Variants in RBFOX1 observed in about 807,000 individuals in gnomAD.
The protein encoded by RBFOX1 is RNA binding fox-1 homolog 1.
In RBFOX1, 8 loss-of-function variants were observed where a neutral mutation model predicts 57.7. The observed-to-expected ratio is 0.14, with a 90% CI of 0.08 to 0.25. The LOEUF is 0.25. RBFOX1 is among the 10% of genes least tolerant of loss of function. The probability of loss-of-function intolerance (pLI) is 1.00; values close to 1 mark genes in which losing one functional copy is unlikely to be tolerated. For missense variants in RBFOX1, 611 were observed against 548.5 expected (o/e 1.11, Z -1.14); for synonymous variants, 326 against 222.4 (o/e 1.47, Z -4.15).
chr16:5,527,786 C>T (rs972137403), intron 2 of RBFOX1, among the ~76,000 whole-genome samples: 2 of 152,090 alleles, frequency 1.3e-5, no homozygotes, highest in African/African-American at 4.8e-5. Flanking sequence ...CTTTGAGAGG[C>T]CTCCTAAATG....
chr16:5,539,129 A>G (rs563927112), intron 2 of RBFOX1, among the ~76,000 whole-genome samples: 1 of 152,048 alleles, frequency 6.6e-6, no homozygotes, highest in African/African-American at 2.4e-5. Context: ...TAATTCTTAG[A>G]CACCTGGGCT....
Position 6,475,875 on chromosome 16 carries a change from G to A in RBFOX1, c.-64+158818G>A, listed in dbSNP as rs78370940. Among the ~76,000 whole-genome samples, 586 of 152,230 alleles carry A rather than the reference G, an allele frequency of 3.8e-3. 2 individuals carry two copies. The highest frequency in any genetic ancestry group is 0.025 in the East Asian group (129 of 5,180). The stretch of plus-strand genomic sequence containing the variant: ...TCTAGCAGAAAGGATAATCTACGTC[G>A]CATTTTACTTCAAGGATAAGATTGA... On this transcript the variant is annotated intron_variant, in intron 2 of 15. Coordinates refer to ENST00000550418, the MANE Select transcript of RBFOX1 (RefSeq NM_018723.4).
At chr16:5,952,708 A>ATTC (rs1597931889) in intron 4 of RBFOX1, among the ~76,000 whole-genome samples, 1 of 152,144 alleles carries the variant, frequency 6.6e-6, no homozygotes, top group East Asian at 1.9e-4. Flanking sequence ...GTGACACAGA[A>ATTC]TTCTTCCACG....
intron 4 of RBFOX1, among the ~76,000 whole-genome samples, chr16:7,222,679 G>T (rs2092817252): frequency 1.3e-5 from 2 of 152,178 alleles, no homozygotes; most frequent in Admixed American, 6.5e-5. Context: ...TTATAAGGTT[G>T]TCGTGCAAAT....
At chr16:5,308,324 C>CT (rs780906181) in intron 1 of RBFOX1, among the ~76,000 whole-genome samples, 1 of 98,936 alleles carries the variant, frequency 1.0e-5, no homozygotes, top group Non-Finnish European at 2.0e-5. Context: ...GAGGCTCTGT[C>CT]TAAAAAAAAA....
intron 3 of RBFOX1, among the ~76,000 whole-genome samples, chr16:6,794,709 A>C (rs2083618633): frequency 6.6e-6 from 1 of 152,170 alleles, no homozygotes; most frequent in Admixed American, 6.5e-5. Context: ...TGTTTAATGT[A>C]AATCATAATA....
At chr16:6,579,286 C>G (rs572906560) in intron 2 of RBFOX1, among the ~76,000 whole-genome samples, 1 of 152,110 alleles carries the variant, frequency 6.6e-6, no homozygotes, top group East Asian at 1.9e-4. Flanking sequence ...TCTCTGTAGG[C>G]TTGATCTACT....
intron 1 of RBFOX1, among the ~76,000 whole-genome samples, chr16:5,392,004 C>T (rs2066424651): frequency 6.6e-6 from 1 of 152,014 alleles, no homozygotes; most frequent in African/African-American, 2.4e-5. Flanking sequence ...GAATTTGAGA[C>T]ATTATTCTAA....
chr16:5,358,673 A>G (rs1278712068), intron 1 of RBFOX1, among the ~76,000 whole-genome samples: 2 of 152,300 alleles, frequency 1.3e-5, no homozygotes, highest in East Asian at 3.9e-4. Context: ...AAAATACAAA[A>G]TTAGCCGGGT....
chr16:7,368,213 G>T (rs534509387), intron 4 of RBFOX1, among the ~76,000 whole-genome samples: 8 of 149,980 alleles, frequency 5.3e-5, no homozygotes, highest in African/African-American at 2.0e-4. Context: ...GTTGCAATAA[G>T]CCAAGATCCT....
At chr16:7,500,459 T>C (rs1046596362) in intron 4 of RBFOX1, among the ~76,000 whole-genome samples, 13 of 152,240 alleles carry the variant, frequency 8.5e-5, no homozygotes, top group African/African-American at 1.9e-4. Flanking sequence ...TTCAGTTTTC[T>C]TATTCCCCCA....
intron 2 of RBFOX1, among the ~76,000 whole-genome samples, chr16:6,629,817 C>A (rs1427851961): frequency 1.3e-5 from 2 of 152,156 alleles, no homozygotes; most frequent in Non-Finnish European, 2.9e-5. Context: ...ATTTAAGATC[C>A]TTTTAATCAG....
At position 7,441,688 on chromosome 16, in the gene RBFOX1, C is replaced by T. The variant is rs556103460; in HGVS notation, c.28-76459C>T. On this transcript the variant is annotated intron_variant, in intron 4 of 15. Coordinates refer to ENST00000550418, the MANE Select transcript of RBFOX1 (RefSeq NM_018723.4). ...AATTTTTGGCTTCTTGCAAAAAAAT[C>T]AGACGATCTGGCATATTGAGCAACA... 2.6e-5 allele frequency among the ~76,000 whole-genome samples: 4 copies of T among 152,268 alleles called. No homozygotes were observed. In the East Asian group the frequency reaches 7.7e-4, roughly 29 times the overall value.
At chr16:7,070,960 GCAA>G (rs149084849) in intron 4 of RBFOX1, among the ~76,000 whole-genome samples, 1,540 of 152,252 alleles carry the variant, frequency 0.01, 30 homozygotes, top group African/African-American at 0.035. Context: ...AATCCTTAGT[GCAA>G]GCAATTTTGC....
intron 4 of RBFOX1, among the ~76,000 whole-genome samples, chr16:7,378,701 TC>T (rs2097730588): frequency 6.6e-6 from 1 of 152,178 alleles, no homozygotes; most frequent in Non-Finnish European, 1.5e-5. Flanking sequence ...ACTTCCTTTT[TC>T]CCTGCATCCG....
chr16:7,155,712 A>AAATATATAT lies in RBFOX1; in HGVS notation c.27+103615_27+103616insATATATATA, dbSNP rs1195367029. Among the ~76,000 whole-genome samples, 109 of 77,348 alleles carry AAATATATAT rather than the reference A, an allele frequency of 1.4e-3. 1 individual carries two copies. Among genetic ancestry groups the AAATATATAT allele is most frequent in the African/African-American group, 7.1e-3 (106 of 14,948 alleles). The allele number at this position is 77,348 out of a possible 152,430, so 50.7% of individuals were successfully genotyped here. A position where few individuals can be genotyped will look rare whatever the true frequency, so the allele number is the denominator to read the frequency against. On this transcript the variant is annotated intron_variant, in intron 4 of 15. Transcript: ENST00000550418. ...TCTCCTCCCACCAAAAAAAAAAAAA[A>AAATATATAT]ATATATATATATATATATATATATA...
intron 4 of RBFOX1, among the ~76,000 whole-genome samples, chr16:5,988,230 C>A (rs928400528): frequency 6.6e-6 from 1 of 152,090 alleles, no homozygotes; most frequent in Non-Finnish European, 1.5e-5. Context: ...GAAGTCTTTT[C>A]CCCCTCACTA....
chr16:6,982,175 C>G (rs904915429), intron 3 of RBFOX1, among the ~76,000 whole-genome samples: 2 of 152,176 alleles, frequency 1.3e-5, no homozygotes, highest in Non-Finnish European at 2.9e-5. Context: ...TGTGTATTCT[C>G]TGGCATCCAA....
intron 1 of RBFOX1, among the ~76,000 whole-genome samples, chr16:5,454,914 CCTTTG>C (rs1356091497): frequency 0.011 from 609 of 55,606 alleles, 20 homozygotes; most frequent in African/African-American, 0.028. Context: ...TTCTTTCTTT[CCTTTG>C]TTTCTTTCTT....
Sources: gnomAD v4.1 joint callset for allele counts (sites outside exome capture counted in the v4.1 genomes callset) on GRCh38, gnomAD v4.1.1 for gene constraint, MANE v1.5 for transcripts, NCBI Gene and HGNC (gene_info 2026-07-23, HGNC 2026-07-21) for gene names.